The following NEBL variants were observed in gnomAD, a reference collection of about 807,000 sequenced individuals.
The protein encoded by NEBL is nebulette.
A neutral mutation model predicts 140.2 loss-of-function variants in NEBL; 122 were observed. The observed-to-expected ratio is 0.87, with a 90% CI of 0.75 to 1.01. NEBL has a LOEUF of 1.01. NEBL is among the 50% of genes least tolerant of loss of function. The probability of loss-of-function intolerance (pLI) is 0.00; values close to 1 mark genes in which losing one functional copy is unlikely to be tolerated. For synonymous variants in NEBL, 436 were observed against 398.9 expected (o/e 1.09, Z -1.11); for missense variants, 1,365 against 1,231.3 (o/e 1.11, Z -1.62).
rs893235401 is a variant in NEBL at position 20,908,817 on chromosome 10, T to C, written c.357+52855A>G. 7.2e-5 allele frequency among the ~76,000 whole-genome samples: 11 copies of C among 152,276 alleles called. No individual in the cohort carries two copies. In the South Asian group the frequency reaches 1.0e-3, roughly 14 times the overall value. ...CAAGAAATGCCAATCAACCTGAGGC[T>C]AATCTTCCACATTTTTAAATGGGCA... On this transcript the variant is annotated intron_variant, in intron 4 of 6. Coordinates refer to the NEBL transcript ENST00000417816.
intron 4 of NEBL, among the ~76,000 whole-genome samples, chr10:20,944,565 A>T (rs1177170917): frequency 6.6e-6 from 1 of 152,248 alleles, no homozygotes; most frequent in Admixed American, 6.5e-5. Context: ...CTAATGCAGC[A>T]TGCAAGGCTA....
chr10:21,276,373 C>G (rs1842925419), intron 1 of NEBL, among the ~76,000 whole-genome samples: 1 of 152,184 alleles, frequency 6.6e-6, no homozygotes, highest in Non-Finnish European at 1.5e-5. Flanking sequence ...CTTCATCCCA[C>G]CACAACCCTC....
chr10:20,882,370 A>T (rs1445173372), intron 4 of NEBL, among the ~76,000 whole-genome samples: 5 of 152,026 alleles, frequency 3.3e-5, no homozygotes, highest in Admixed American at 3.3e-4. Context: ...AGGGAAAGTA[A>T]AAGAAAAAGA....
intron 2 of NEBL, among the ~76,000 whole-genome samples, chr10:21,088,709 C>T (rs563446500): frequency 6.6e-6 from 1 of 152,332 alleles, no homozygotes; most frequent in African/African-American, 2.4e-5. Flanking sequence ...TAGTGACAGC[C>T]ATCCTTCCAG....
At chr10:21,054,822 C>CATAGTATCCAA (rs1834937903) in intron 2 of NEBL, among the ~76,000 whole-genome samples, 1 of 152,134 alleles carries the variant, frequency 6.6e-6, no homozygotes, top group African/African-American at 2.4e-5. Context: ...ACAGTACAAT[C>CATAGTATCCAA]ATAGTATCCA....
chr10:20,939,724 A>T (rs1834737570), intron 4 of NEBL, among the ~76,000 whole-genome samples: 1 of 152,170 alleles, frequency 6.6e-6, no homozygotes, highest in Admixed American at 6.5e-5. Context: ...GGCTCAAAAT[A>T]AAGGGATGGA....
rs143127533 is a variant in NEBL at position 20,927,083 on chromosome 10, C to A, written c.357+34589G>T. On this transcript the variant is annotated intron_variant, in intron 4 of 6. Transcript: ENST00000417816. The stretch of plus-strand genomic sequence containing the variant: ...GATTTGGAGAGGAGTTTCAACGCGA[C>A]TGCATGTGGAGAGACAGAAGCTCAG... Among the ~76,000 whole-genome samples the A allele has an allele frequency of 7.2e-5, 11 of 152,240 alleles. No individual in the cohort carries two copies. In the East Asian group the frequency reaches 2.1e-3, roughly 29 times the overall value.
chr10:21,217,382 G>C (rs1244582280), intron 3 of NEBL, among the ~76,000 whole-genome samples: 1 of 152,174 alleles, frequency 6.6e-6, no homozygotes, highest in Non-Finnish European at 1.5e-5. Flanking sequence ...CTTCTCACAG[G>C]GGAAACTCTA....
chr10:20,802,936 T>C (rs774948069), intron 26 of NEBL, among the ~76,000 whole-genome samples: 1 of 152,186 alleles, frequency 6.6e-6, no homozygotes, highest in African/African-American at 2.4e-5. Context: ...GCCATTCTTA[T>C]GACAGATGCA....
intron 2 of NEBL, among the ~76,000 whole-genome samples, chr10:21,158,010 C>T (rs982829562): frequency 1.3e-5 from 2 of 152,178 alleles, no homozygotes; most frequent in African/African-American, 4.8e-5. Flanking sequence ...CAGAAGAAAC[C>T]AACCCTACAG....
intron 4 of NEBL, among the ~76,000 whole-genome samples, chr10:20,934,040 T>TA (rs890749834): frequency 1.7e-4 from 26 of 151,314 alleles, no homozygotes; most frequent in African/African-American, 4.4e-4. Flanking sequence ...TGTTGAAATT[T>TA]AAAAAAAAAG....
chr10:21,186,987 T>C (rs1441405939), intron 3 of NEBL, among the ~76,000 whole-genome samples: 1 of 130,930 alleles, frequency 7.6e-6, no homozygotes, highest in Non-Finnish European at 1.6e-5. Flanking sequence ...GCCAACTCTG[T>C]ATGTGTGTGT....
intron 2 of NEBL, among the ~76,000 whole-genome samples, chr10:21,154,832 C>T (rs1460955982): frequency 6.6e-6 from 1 of 152,030 alleles, no homozygotes; most frequent in Non-Finnish European, 1.5e-5. Flanking sequence ...TTATTTTAAC[C>T]TTTGTGGGTG....
chr10:20,986,880 C>T (rs1223626298), intron 3 of NEBL, among the ~76,000 whole-genome samples: 1 of 152,138 alleles, frequency 6.6e-6, no homozygotes, highest in Non-Finnish European at 1.5e-5. Context: ...TTCACAGGAA[C>T]TTCTTTTCTT....
Position 21,006,861 on chromosome 10 carries a change from G to A in NEBL, c.249+13256C>T, listed in dbSNP as rs576168513. Reference sequence around the variant, plus strand: ...TCCATGAAGCAATCAAACCATTTTCGATCCACATTATTTTAAGAAGGAGCG... The same window carrying A: ...TCCATGAAGCAATCAAACCATTTTCAATCCACATTATTTTAAGAAGGAGCG... On this transcript the variant is annotated intron_variant, in intron 3 of 6. Transcript: ENST00000417816. Among the ~76,000 whole-genome samples, 279 of 152,246 alleles carry A rather than the reference G, an allele frequency of 1.8e-3. 1 individual carries two copies. The highest frequency in any genetic ancestry group is 6.2e-3 in the African/African-American group (257 of 41,546).
intron 3 of NEBL, among the ~76,000 whole-genome samples, chr10:21,002,721 C>G (rs568483773): frequency 6.6e-6 from 1 of 152,200 alleles, no homozygotes; most frequent in African/African-American, 2.4e-5. Flanking sequence ...GCGCTACACA[C>G]TTTTAAACAA....
chr10:20,912,461 C>T (rs1588999405), intron 4 of NEBL, among the ~76,000 whole-genome samples: 1 of 152,138 alleles, frequency 6.6e-6, no homozygotes, highest in Non-Finnish European at 1.5e-5. Flanking sequence ...TAAAAACAAA[C>T]AAACAAAAAC....
chr10:20,803,808 G>GAAAAAAA (rs148789208), intron 26 of NEBL, among the ~76,000 whole-genome samples: 16 of 136,312 alleles, frequency 1.2e-4, no homozygotes, highest in African/African-American at 4.5e-4. Context: ...CCTTCTGTAC[G>GAAAAAAA]AAAAATATAT....
intron 3 of NEBL, among the ~76,000 whole-genome samples, chr10:20,981,413 AC>A (rs148588810): frequency 0.16 from 24,776 of 152,032 alleles, 3,464 homozygotes; most frequent in East Asian, 0.38. Context: ...CATAAAAAAA[AC>A]ACACACAAAA....
Sources: allele counts gnomAD v4.1 joint callset (sites outside exome capture counted in the v4.1 genomes callset), GRCh38; gene constraint gnomAD v4.1.1; transcripts MANE v1.5; gene names NCBI Gene and HGNC (gene_info 2026-07-23, HGNC 2026-07-21).